DYRK1A: variants seen among roughly 807,000 people sequenced by gnomAD.
DYRK1A encodes dual specificity tyrosine phosphorylation regulated kinase 1A, also known as dual specificity tyrosine-phosphorylation-regulated kinase 1A.
In DYRK1A, 9 loss-of-function variants were observed where a neutral mutation model predicts 79.7. The observed-to-expected ratio is 0.11, with a 90% confidence interval of 0.07 to 0.20. The LOEUF is 0.20. DYRK1A is among the 10% of genes least tolerant of loss of function. DYRK1A has a pLI of 1.00. For missense variants in DYRK1A, 622 were observed against 956.0 expected (o/e 0.65, Z 4.61); for synonymous variants, 349 against 329.7 (o/e 1.06, Z -0.63).
chr21:37,458,991 G>A (rs902886808), intron 2 of DYRK1A, among the ~76,000 whole-genome samples: 1 of 152,206 alleles, frequency 6.6e-6, no homozygotes, highest in African/African-American at 2.4e-5. Flanking sequence ...TGCATGTCAG[G>A]CTGGCAGTTC....
chr21:37,506,365 A>G, intron 11 of DYRK1A, 142 bp downstream of exon 11: 1 of 1,551,528 alleles, frequency 6.4e-7, no homozygotes, highest in Non-Finnish European at 8.7e-7. Flanking sequence ...GTAAGTATTT[A>G]TCATAGAGAA....
chr21:37,518,191 GA>G lies in DYRK1A; in HGVS notation c.*5664del. 1 of 152,334 alleles carries G rather than the reference GA, an allele frequency of 6.6e-6. No individual in the cohort carries two copies. Among genetic ancestry groups the G allele is most frequent in the Non-Finnish European group, 1.5e-5 (1 of 68,046 alleles). The allele number at this position is 152,334 out of a possible 1,614,324, so 9.4% of individuals were successfully genotyped here. ...CTCACGTCTGTAAAGATTTAAAGCG[GA>G]AAAGCGGAATGCAGTGAAATAGCAT... On this transcript the variant is annotated 3_prime_UTR_variant, in exon 12 of 12. Coordinates refer to ENST00000647188, the MANE Select transcript of DYRK1A (RefSeq NM_001347721.2).
At chr21:37,366,471 G>GC (rs566907426), upstream of DYRK1A, among the ~76,000 whole-genome samples, 13 of 148,428 alleles carry the variant, frequency 8.8e-5, no homozygotes, top group East Asian at 2.0e-4. Flanking sequence ...CCGCCGCCTC[G>GC]CCCCCCCTTC....
At chr21:37,483,639 G>T (rs1343954064) in intron 5 of DYRK1A, among the ~76,000 whole-genome samples, 1 of 152,092 alleles carries the variant, frequency 6.6e-6, no homozygotes, top group Non-Finnish European at 1.5e-5. Flanking sequence ...CAGGAGTGCA[G>T]TGGAGTAGTG....
intron 2 of DYRK1A, among the ~76,000 whole-genome samples, chr21:37,449,802 G>A (rs540201830): frequency 5.9e-5 from 9 of 152,214 alleles, no homozygotes; most frequent in East Asian, 1.9e-4. Flanking sequence ...GTGATGGCCC[G>A]CATTCTTCAT....
chr21:37,405,808 C>T (rs1347740400), intron 1 of DYRK1A, among the ~76,000 whole-genome samples: 1 of 152,068 alleles, frequency 6.6e-6, no homozygotes. Context: ...CTGTGAAGTC[C>T]ACGAGGTAGA....
At chr21:37,409,133 A>G (rs1261604671) in intron 1 of DYRK1A, among the ~76,000 whole-genome samples, 2 of 152,216 alleles carry the variant, frequency 1.3e-5, no homozygotes, top group African/African-American at 4.8e-5. Flanking sequence ...TTTGGGTAGT[A>G]GGACTTTGTT....
At chr21:37,398,076 A>AAAAAT (rs1555953896) in intron 1 of DYRK1A, among the ~76,000 whole-genome samples, 4 of 145,736 alleles carry the variant, frequency 2.7e-5, no homozygotes, top group African/African-American at 1.0e-4. Context: ...TTAAAAAAAA[A>AAAAAT]ATATATATAT....
At chr21:37,476,537 A>G (rs1282344230) in intron 3 of DYRK1A, among the ~76,000 whole-genome samples, 1 of 152,222 alleles carries the variant, frequency 6.6e-6, no homozygotes, top group East Asian at 1.9e-4. Context: ...TAAACTACCT[A>G]CATGAAAACA....
At chr21:37,502,270 GT>G (rs2053473538) in intron 9 of DYRK1A, 1 of 152,010 alleles carries the variant, frequency 6.6e-6, no homozygotes, top group Admixed American at 6.5e-5. Flanking sequence ...ATTATTCAGA[GT>G]TTTGGGTTTA....
Position 37,389,413 on chromosome 21 carries a change from G to A in DYRK1A, c.-77+21785G>A, listed in dbSNP as rs114431162. Among the ~76,000 whole-genome samples the A allele has an allele frequency of 9.1e-3, 1,383 of 152,210 alleles. 19 individuals carry two copies. The highest frequency in any genetic ancestry group is 0.032 in the African/African-American group (1,325 of 41,534). On this transcript the variant is annotated intron_variant, in intron 1 of 11. Transcript: ENST00000647188. Reference sequence around the variant, plus strand: ...ACTTCTGGGCTCAAGCAGTCTGCCCGCCTTGGCCTCTCAAAGTGCTTGGAA... The same window carrying A: ...ACTTCTGGGCTCAAGCAGTCTGCCCACCTTGGCCTCTCAAAGTGCTTGGAA...
rs530088439 is a variant in DYRK1A at position 37,380,354 on chromosome 21, A to G, written c.-77+12726A>G. On this transcript the variant is annotated intron_variant, in intron 1 of 11. Transcript: ENST00000647188. ...TTTGTAAAAGTTTGTTGAAACAACA[A>G]TGGTAAGATCCTATAGGATCTCATT... 3.3e-5 allele frequency among the ~76,000 whole-genome samples: 5 copies of G among 152,206 alleles called. No individual in the cohort carries two copies. The East Asian group carries it at 9.6e-4, about 29-fold the overall frequency.
chr21:37,492,458 A>G (rs1280958530), intron 7 of DYRK1A, among the ~76,000 whole-genome samples: 2 of 152,236 alleles, frequency 1.3e-5, no homozygotes, highest in East Asian at 1.9e-4. Context: ...AGAAGATGAG[A>G]GAAGAAGCTA....
chr21:37,505,429 T>C lies in DYRK1A; in HGVS notation c.1359T>C (p.Tyr453=), dbSNP rs753510911. 1.2e-6 allele frequency: 2 copies of C among 1,614,226 alleles called. No individual in the cohort carries two copies. The highest frequency in any genetic ancestry group is 1.3e-5 in the African/African-American group (1 of 75,036). The change falls in exon 10 of 12, where the codon TAT becomes TAC. Residue 453 remains tyrosine, a synonymous_variant. Coordinates refer to ENST00000647188, the MANE Select transcript of DYRK1A (RefSeq NM_001347721.2). ...ACCTCATTTTAAGGATGCTTGATTATGACCCCAAAACTCGAATTCAACCTT... is the reference window on the plus strand; with the variant it reads ...ACCTCATTTTAAGGATGCTTGATTACGACCCCAAAACTCGAATTCAACCTT... ...FKDLILRMLD[Y]DPKTRIQPYY... is the part of the protein sequence containing the mutation.
chr21:37,420,431 G>C, intron 2 of DYRK1A, 47 bp downstream of exon 2: 5 of 1,594,592 alleles, frequency 3.1e-6, no homozygotes, highest in Non-Finnish European at 4.3e-6. Context: ...AAGAGAATGT[G>C]GGAATCGATG....
intron 1 of DYRK1A, among the ~76,000 whole-genome samples, chr21:37,389,215 A>G (rs774766184): frequency 1.3e-5 from 2 of 151,582 alleles, no homozygotes; most frequent in Admixed American, 6.6e-5. Context: ...AAAAAAGTAT[A>G]TATATATATA....
intron 2 of DYRK1A, among the ~76,000 whole-genome samples, chr21:37,468,862 T>A (rs955691539): frequency 6.6e-5 from 10 of 152,238 alleles, no homozygotes; most frequent in Admixed American, 2.6e-4. Flanking sequence ...TAAGAACTTT[T>A]ATTCATCAAA....
intron 3 of DYRK1A, among the ~76,000 whole-genome samples, chr21:37,474,214 C>G (rs1486696773): frequency 6.6e-6 from 1 of 152,110 alleles, no homozygotes; most frequent in African/African-American, 2.4e-5. Context: ...AGGAAAACTT[C>G]CAGTCCTTTA....
intron 2 of DYRK1A, among the ~76,000 whole-genome samples, chr21:37,451,126 TG>T (rs2051433237): frequency 6.6e-6 from 1 of 152,236 alleles, no homozygotes; most frequent in African/African-American, 2.4e-5. Context: ...AAAACATTTT[TG>T]TACAGTTGTG....
Sources: allele counts gnomAD v4.1 joint callset (sites outside exome capture counted in the v4.1 genomes callset), GRCh38; gene constraint gnomAD v4.1.1; transcripts MANE v1.5; gene names NCBI Gene and HGNC (gene_info 2026-07-23, HGNC 2026-07-21).